The following BIN3 variants were observed in gnomAD, a reference collection of about 807,000 sequenced individuals.
The protein encoded by BIN3 is bridging integrator 3.
A neutral mutation model predicts 38.2 loss-of-function variants in BIN3; 41 were observed. The ratio of observed to expected loss-of-function variants is 1.07; its 90% CI spans 0.84 to 1.39. The LOEUF is 1.39. Among genes scored for constraint, BIN3 ranks in the 40% most tolerant of loss-of-function variants. The pLI is 0.00. For missense variants in BIN3, 361 were observed against 324.3 expected, an observed-to-expected ratio of 1.11 and a Z score of -0.87; for synonymous variants, 145 against 122.6, an observed-to-expected ratio of 1.18 and a Z score of -1.21.
At chr8:22,621,620 T>C in intron 8 of BIN3, 52 bp from the exon 9 acceptor site, 1 of 1,571,038 alleles carries the variant, frequency 6.4e-7, no homozygotes, top group East Asian at 2.2e-5. Context: ...AACCGTGTGC[T>C]TCAGGGGGCC....
intron 2 of BIN3, 125 bp downstream of exon 2, chr8:22,644,630 G>A (rs908604265): frequency 3.1e-5 from 27 of 859,964 alleles, no homozygotes; most frequent in Non-Finnish European, 5.1e-5. Context: ...ATCCGCATAA[G>A]CAGGAAGAAG....
intron 1 of BIN3, among the ~76,000 whole-genome samples, chr8:22,662,462 T>C (rs1382810767): frequency 6.6e-6 from 1 of 152,242 alleles, no homozygotes; most frequent in South Asian, 2.1e-4. Flanking sequence ...GGGTTTTCTT[T>C]TCTGGAAAGC....
At chr8:22,648,136 C>CA (rs55869105) in intron 1 of BIN3, among the ~76,000 whole-genome samples, 25,240 of 102,210 alleles carry the variant, frequency 0.25, 3,498 homozygotes, top group South Asian at 0.36. Context: ...CTCCGTCTCT[C>CA]AAAAAAAAAA....
At chr8:22,662,891 C>G (rs1223467725) in intron 1 of BIN3, among the ~76,000 whole-genome samples, 1 of 152,148 alleles carries the variant, frequency 6.6e-6, no homozygotes, top group Admixed American at 6.5e-5. Flanking sequence ...AATCCCAGCA[C>G]TTTGGGAGGC....
chr8:22,666,471 G>C (rs543794841), intron 1 of BIN3, among the ~76,000 whole-genome samples: 2 of 152,294 alleles, frequency 1.3e-5, no homozygotes, highest in South Asian at 4.1e-4. Context: ...AGGCCAAGAA[G>C]TGAATCTGTG....
chr8:22,624,330 A>T lies in BIN3; in HGVS notation c.372T>A (p.Ala124=). 1 of 1,613,806 alleles carries T rather than the reference A, an allele frequency of 6.2e-7. No homozygotes were observed. Among genetic ancestry groups the T allele is most frequent in the Non-Finnish European group, 8.5e-7 (1 of 1,179,786 alleles). ...GCAAGGCCTGTTCCCGCCTCTTCAC[A>T]GCCATGTTGAGGCTCGGGAAGACAC... ...FGSVFPSLNM[A]VKRREQALQD... is the part of the protein sequence containing the mutation. The change falls in exon 7 of 9, where the codon GCT becomes GCA. Residue 124 remains alanine, a synonymous_variant. Coordinates refer to ENST00000276416, the MANE Select transcript of BIN3 (RefSeq NM_018688.6).
chr8:22,660,095 G>T (rs1030814557), intron 1 of BIN3, among the ~76,000 whole-genome samples: 4 of 152,150 alleles, frequency 2.6e-5, no homozygotes, highest in Non-Finnish European at 4.4e-5. Flanking sequence ...AAATTTGAGT[G>T]GCAACTTCCC....
chr8:22,649,479 T>A (rs1373100734), intron 1 of BIN3, among the ~76,000 whole-genome samples: 1 of 150,644 alleles, frequency 6.6e-6, no homozygotes. Flanking sequence ...TGGGTGGGGG[T>A]ATAAGGGAGG....
rs575607726 is a variant in BIN3 at position 22,620,474 on chromosome 8, G to A, written c.*948C>T. 8.1e-6 allele frequency: 1 copy of A among 122,876 alleles called. No homozygotes were observed. Among genetic ancestry groups the A allele is most frequent in the Non-Finnish European group, 1.7e-5 (1 of 60,098 alleles). The allele number at this position is 122,876 out of a possible 1,614,324, so 7.6% of individuals were successfully genotyped here. ...AATAAACCAAAGTCAAAAACAAACTGAGAGTGTGTCCTCCACAGCTCTTCC... is the reference window on the plus strand; with the variant it reads ...AATAAACCAAAGTCAAAAACAAACTAAGAGTGTGTCCTCCACAGCTCTTCC... On this transcript the variant is annotated 3_prime_UTR_variant, in exon 9 of 9. Coordinates refer to ENST00000276416, the MANE Select transcript of BIN3 (RefSeq NM_018688.6).
chr8:22,638,527 C>T (rs1802442228), intron 2 of BIN3, among the ~76,000 whole-genome samples: 1 of 152,180 alleles, frequency 6.6e-6, no homozygotes, highest in South Asian at 2.1e-4. Context: ...CAGACATGGG[C>T]CCTGGTGGTG....
intron 8 of BIN3, among the ~76,000 whole-genome samples, chr8:22,622,180 T>G (rs1027766575): frequency 6.6e-6 from 1 of 152,104 alleles, no homozygotes; most frequent in Non-Finnish European, 1.5e-5. Flanking sequence ...GGTGGAGGAA[T>G]GGGGAAGCCC....
At chr8:22,652,483 G>A (rs182484701) in intron 1 of BIN3, among the ~76,000 whole-genome samples, 92 of 152,304 alleles carry the variant, frequency 6.0e-4, no homozygotes, top group Non-Finnish European at 9.8e-4. Context: ...GCCTGCGTGT[G>A]CATGTATGTG....
chr8:22,652,816 C>A (rs1018674957), intron 1 of BIN3, among the ~76,000 whole-genome samples: 4 of 152,206 alleles, frequency 2.6e-5, no homozygotes, highest in Non-Finnish European at 5.9e-5. Flanking sequence ...CTGCCTAACA[C>A]ACCTCTATCT....
chr8:22,623,037 A>C (rs562244745), intron 8 of BIN3, among the ~76,000 whole-genome samples: 78 of 152,240 alleles, frequency 5.1e-4, no homozygotes, highest in African/African-American at 1.9e-3. Context: ...GCCTGCAGGA[A>C]ATGGCCACTG....
In BIN3 at chr8:22,621,423, C is replaced by CGG; in HGVS notation, c.760_761insCC (p.Ter254SerfsTer25). 2.5e-6 allele frequency: 4 copies of CGG among 1,612,586 alleles called. No individual in the cohort carries two copies. The highest frequency in any genetic ancestry group is 3.4e-6 in the Non-Finnish European group (4 of 1,179,340). On this transcript the variant is annotated frameshift_variant and stop_lost, in exon 9 of 9. Transcript: ENST00000276416. LOFTEE classifies it high-confidence loss of function. The stretch of plus-strand genomic sequence containing the variant: ...GAGTCCTCCAAGAGTGACGGGGATT[C>CGG]AGTCATCGGCCACAATGGAGAGGGC...
intron 1 of BIN3, 191 bp from the exon 2 acceptor site, chr8:22,644,994 T>C (rs1802670943): frequency 3.7e-6 from 2 of 540,680 alleles, no homozygotes; most frequent in African/African-American, 1.9e-5. Flanking sequence ...GAGAGATAGG[T>C]CCTCCCACCT....
intron 6 of BIN3, among the ~76,000 whole-genome samples, chr8:22,627,667 C>T (rs562199471): frequency 2.0e-5 from 3 of 152,340 alleles, no homozygotes; most frequent in South Asian, 2.1e-4. Flanking sequence ...TCCTCTCTCC[C>T]TGCCCACCTC....
chr8:22,646,329 TC>T, intron 1 of BIN3, among the ~76,000 whole-genome samples: 1 of 152,094 alleles, frequency 6.6e-6, no homozygotes, highest in South Asian at 2.1e-4. Context: ...TCCTTTTGGC[TC>T]TTCCATTCAA....
chr8:22,664,234 C>T (rs1458761837), intron 1 of BIN3, among the ~76,000 whole-genome samples: 1 of 152,246 alleles, frequency 6.6e-6, no homozygotes, highest in Non-Finnish European at 1.5e-5. Context: ...GACTAAGTAG[C>T]TGTGGGACTC....
Sources: gnomAD v4.1 joint callset for allele counts (sites outside exome capture counted in the v4.1 genomes callset) on GRCh38, gnomAD v4.1.1 for gene constraint, MANE v1.5 for transcripts, NCBI Gene and HGNC (gene_info 2026-07-23, HGNC 2026-07-21) for gene names.